Variants in CDADC1 observed in about 807,000 individuals in gnomAD.
CDADC1 encodes the protein dCTP deaminase.
In CDADC1, 39 loss-of-function variants were observed where a neutral mutation model predicts 54.9. The ratio of observed to expected loss-of-function variants is 0.71; its 90% CI spans 0.55 to 0.93. The LOEUF is 0.93. CDADC1 is among the 40% of genes least tolerant of loss of function. The pLI is 0.00. For synonymous variants in CDADC1, 186 were observed against 204.0 expected (o/e 0.91, Z 0.75); for missense variants, 518 against 618.8 (o/e 0.84, Z 1.73).
chr13:49,287,547 T>G (rs1257065206), intron 9 of CDADC1, among the ~76,000 whole-genome samples: 1 of 152,180 alleles, frequency 6.6e-6, no homozygotes, highest in Non-Finnish European at 1.5e-5. Flanking sequence ...TCTGATTAAA[T>G]AATGTACACT....
At position 49,282,284 on chromosome 13, in the gene CDADC1, T is replaced by TCA. The variant is rs1418945050; in HGVS notation, c.1410+1588_1410+1589dup. Among the ~76,000 whole-genome samples the TCA allele has an allele frequency of 3.2e-3, 426 of 132,478 alleles. 4 individuals carry two copies. The highest frequency in any genetic ancestry group is 4.7e-3 in the Non-Finnish European group (302 of 64,006). The allele number at this position is 132,478 out of a possible 152,430, so 86.9% of individuals were successfully genotyped here. A position where few individuals can be genotyped will look rare whatever the true frequency, so the allele number is the denominator to read the frequency against. ...TTTGTTTTTGTTTTGAGACAGGGTC[T>TCA]CACTATCTCACCCAGGCTGGAGTGC... is the stretch of plus-strand genomic sequence containing the variant. On this transcript the variant is annotated intron_variant, in intron 8 of 9. Transcript: ENST00000251108.
Position 49,255,927 on chromosome 13 carries a change from A to T in CDADC1, c.252+14A>T. 1 of 1,610,132 alleles carries T rather than the reference A, an allele frequency of 6.2e-7. No individual in the cohort carries two copies. The highest frequency in any genetic ancestry group is 8.5e-7 in the Non-Finnish European group (1 of 1,178,816). On this transcript the variant is annotated intron_variant, in intron 3 of 9. Coordinates refer to ENST00000251108, the MANE Select transcript of CDADC1 (RefSeq NM_030911.4). ...GACAAAAGACAGGTAAATTTTTATGATTTCACATATATATGCTCATAATAA... is the reference window on the plus strand; with the variant it reads ...GACAAAAGACAGGTAAATTTTTATGTTTTCACATATATATGCTCATAATAA...
intron 3 of CDADC1, among the ~76,000 whole-genome samples, chr13:49,257,508 C>G (rs1028701079): frequency 6.6e-6 from 1 of 152,308 alleles, no homozygotes; most frequent in South Asian, 2.1e-4. Context: ...CGGTGGCTCA[C>G]GCCTGTAATC....
intron 2 of CDADC1, among the ~76,000 whole-genome samples, chr13:49,249,195 A>G (rs532397080): frequency 6.6e-6 from 1 of 152,370 alleles, no homozygotes; most frequent in Non-Finnish European, 1.5e-5. Context: ...TGGTATTCAT[A>G]TGTCAGTTCG....
chr13:49,279,976 AGG>A, intron 7 of CDADC1, among the ~76,000 whole-genome samples: 1 of 152,342 alleles, frequency 6.6e-6, no homozygotes, highest in African/African-American at 2.4e-5. Context: ...ATGATAGGGA[AGG>A]GGTAAGGGAA....
rs746316772 is a variant in CDADC1, at chr13:49,292,803, T to A, written c.*1046T>A. The A allele has an allele frequency of 1.6e-6, 2 of 1,280,668 alleles. No homozygotes were observed. Among genetic ancestry groups the A allele is most frequent in the South Asian group, 2.5e-5 (2 of 79,520 alleles). The allele number at this position is 1,280,668 out of a possible 1,614,324, so 79.3% of individuals were successfully genotyped here. ...GTTAGAGAGGGGTGGCCTGGGGTGC[T>A]TCATGAGAAATGTCTTCCTGGATCT... is the stretch of plus-strand genomic sequence containing the variant. On this transcript the variant is annotated 3_prime_UTR_variant, in exon 10 of 10. Coordinates refer to ENST00000251108, the MANE Select transcript of CDADC1 (RefSeq NM_030911.4).
At chr13:49,282,294 A>C (rs1464059944) in intron 8 of CDADC1, among the ~76,000 whole-genome samples, 1 of 110,932 alleles carries the variant, frequency 9.0e-6, no homozygotes, top group African/African-American at 3.6e-5. Context: ...TCACTATCTC[A>C]CCCAGGCTGG....
intron 5 of CDADC1, among the ~76,000 whole-genome samples, chr13:49,268,282 C>T (rs1328627756): frequency 6.6e-6 from 1 of 151,944 alleles, no homozygotes; most frequent in East Asian, 1.9e-4. Flanking sequence ...CTACATCAGG[C>T]CCTCATTAAT....
intron 5 of CDADC1, among the ~76,000 whole-genome samples, chr13:49,268,341 A>C (rs1222069694): frequency 1.3e-5 from 2 of 152,100 alleles, no homozygotes; most frequent in East Asian, 3.9e-4. Flanking sequence ...CTGTTCCTTG[A>C]GCCCTCCACT....
intron 4 of CDADC1, chr13:49,266,067 G>C (rs1952808109): frequency 1.9e-6 from 1 of 516,676 alleles, no homozygotes. Context: ...CCAGGGAGTG[G>C]ATAGAATGTT....
chr13:49,269,631 AAGAT>A (rs1428599854), intron 5 of CDADC1, among the ~76,000 whole-genome samples: 2 of 152,228 alleles, frequency 1.3e-5, no homozygotes, highest in East Asian at 3.8e-4. Flanking sequence ...ACCATTCAAA[AAGAT>A]AGAAAACATA....
At chr13:49,270,221 GATTTT>G (rs968227377) in intron 5 of CDADC1, among the ~76,000 whole-genome samples, 3 of 152,004 alleles carry the variant, frequency 2.0e-5, no homozygotes, top group Non-Finnish European at 2.9e-5. Context: ...GAATTTTTCC[GATTTT>G]ATTTTATTTT....
At chr13:49,275,106 G>A (rs1340509665) in intron 6 of CDADC1, among the ~76,000 whole-genome samples, 1 of 141,478 alleles carries the variant, frequency 7.1e-6, no homozygotes, top group East Asian at 2.1e-4. Flanking sequence ...TTTTTTTTGA[G>A]ACAGAGTCCC....
chr13:49,255,539 T>C (rs1439778142), intron 2 of CDADC1, among the ~76,000 whole-genome samples: 3 of 152,250 alleles, frequency 2.0e-5, no homozygotes, highest in African/African-American at 4.8e-5. Flanking sequence ...CTTTGGACTT[T>C]TCCATTACTC....
intron 8 of CDADC1, among the ~76,000 whole-genome samples, chr13:49,281,402 G>A (rs971386705): frequency 1.3e-5 from 2 of 152,174 alleles, no homozygotes; most frequent in Non-Finnish European, 2.9e-5. Flanking sequence ...CGGTTTTGTG[G>A]AAGACAATTT....
Position 49,275,795 on chromosome 13 carries a change from A to AGAGAGT in CDADC1, c.1050+1456_1050+1457insAGAGTG, listed in dbSNP as rs1566370330. On this transcript the variant is annotated intron_variant, in intron 6 of 9. Coordinates refer to ENST00000251108, the MANE Select transcript of CDADC1 (RefSeq NM_030911.4). ...GAGAGAGAGAGAGAGAGAGAGAGAG[A>AGAGAGT]GTCTCACTCTGTTGCCAGGCTGGAG... Among the ~76,000 whole-genome samples the AGAGAGT allele has an allele frequency of 8.6e-5, 9 of 104,510 alleles. 2 individuals are homozygous for AGAGAGT. Among genetic ancestry groups the AGAGAGT allele is most frequent in the Non-Finnish European group, 1.5e-4 (8 of 52,218 alleles). The allele number at this position is 104,510 out of a possible 152,430, so 68.6% of individuals were successfully genotyped here.
chr13:49,252,583 G>T (rs970089004), intron 2 of CDADC1, among the ~76,000 whole-genome samples: 2 of 152,076 alleles, frequency 1.3e-5, no homozygotes, highest in Non-Finnish European at 2.9e-5. Flanking sequence ...ATAGTGTGGG[G>T]GAAGAATACA....
chr13:49,250,236 T>C (rs2138188790), intron 2 of CDADC1, among the ~76,000 whole-genome samples: 1 of 152,332 alleles, frequency 6.6e-6, no homozygotes, highest in South Asian at 2.1e-4. Context: ...AGACTATAAA[T>C]CCTTAAATTC....
rs183283781 is a variant in CDADC1, at chr13:49,276,857, C to T, written c.1051-1493C>T. Among the ~76,000 whole-genome samples, 107 of 152,262 alleles carry T rather than the reference C, an allele frequency of 7.0e-4. 1 individual carries two copies. The highest frequency in any genetic ancestry group is 2.4e-3 in the African/African-American group (101 of 41,548). Reference sequence around the variant, plus strand: ...ATTCCAGCACCTAGCATAGGTCTAACTGGTGGTTGGAACTCTCATTTGTGT... The same window carrying T: ...ATTCCAGCACCTAGCATAGGTCTAATTGGTGGTTGGAACTCTCATTTGTGT... On this transcript the variant is annotated intron_variant, in intron 6 of 9. Transcript: ENST00000251108.
Sources: allele counts gnomAD v4.1 joint callset (sites outside exome capture counted in the v4.1 genomes callset), GRCh38; gene constraint gnomAD v4.1.1; transcripts MANE v1.5; gene names NCBI Gene and HGNC (gene_info 2026-07-23, HGNC 2026-07-21).